Variants in CD72 observed in about 807,000 individuals in gnomAD.
The protein encoded by CD72 is CD72 molecule.
A neutral mutation model predicts 50.7 loss-of-function variants in CD72; 28 were observed. The ratio of observed to expected loss-of-function variants is 0.55; its 90% CI spans 0.41 to 0.76. The LOEUF is 0.76. CD72 is among the 30% of genes least tolerant of loss of function. The pLI is 0.00. For missense variants in CD72, 403 were observed against 420.6 expected (o/e 0.96, Z 0.37); for synonymous variants, 176 against 171.2 (o/e 1.03, Z -0.22).
At chr9:35,642,080 T>C (rs1823345625) in intron 1 of CD72, among the ~76,000 whole-genome samples, 2 of 152,252 alleles carry the variant, frequency 1.3e-5, no homozygotes, top group Non-Finnish European at 2.9e-5. Context: ...CCATTATCAC[T>C]AACCACTGCA....
intron 7 of CD72, among the ~76,000 whole-genome samples, chr9:35,611,225 T>A (rs1455039716): frequency 6.7e-6 from 1 of 150,326 alleles, no homozygotes; most frequent in Non-Finnish European, 1.5e-5. Context: ...CACTCCAGTC[T>A]GGGCGACAGA....
chr9:35,643,423 G>A (rs1309138126), intron 1 of CD72: 2 of 152,240 alleles, frequency 1.3e-5, no homozygotes, highest in Admixed American at 1.3e-4. Context: ...GTCTGCAGAG[G>A]TCTACTCACA....
At chr9:35,645,531 G>A (rs559412195) in intron 1 of CD72, among the ~76,000 whole-genome samples, 3 of 152,008 alleles carry the variant, frequency 2.0e-5, no homozygotes, top group Non-Finnish European at 4.4e-5. Flanking sequence ...GCAGTGAGCC[G>A]AGGTTGCACC....
intron 1 of CD72, among the ~76,000 whole-genome samples, chr9:35,639,031 T>G (rs1274704630): frequency 6.6e-6 from 1 of 151,986 alleles, no homozygotes; most frequent in Non-Finnish European, 1.5e-5. Flanking sequence ...ATTCTTTTTT[T>G]TTTTTTTTAG....
chr9:35,633,258 T>G (rs1305862548), intron 1 of CD72, among the ~76,000 whole-genome samples: 4 of 150,910 alleles, frequency 2.7e-5, no homozygotes, highest in African/African-American at 7.3e-5. Context: ...AGTATTTTTG[T>G]TTTTTGTTTT....
intron 1 of CD72, chr9:35,646,377 G>C (rs1823392719): frequency 6.6e-6 from 1 of 152,410 alleles, no homozygotes; most frequent in Admixed American, 6.5e-5. Context: ...ACGCCGGTGA[G>C]GGAAAGGAGT....
chr9:35,617,148 C>T (rs1823077866), intron 3 of CD72, 28 bp downstream of exon 3: 2 of 1,552,098 alleles, frequency 1.3e-6, no homozygotes, highest in African/African-American at 2.7e-5. Context: ...CACTTGGCCC[C>T]GCGGCTGCCC....
chr9:35,641,017 C>G (rs1823335204), intron 1 of CD72, among the ~76,000 whole-genome samples: 1 of 152,134 alleles, frequency 6.6e-6, no homozygotes, highest in Non-Finnish European at 1.5e-5. Flanking sequence ...ACCTTCCCAG[C>G]TACGCTTAGG....
chr9:35,614,726 TGCGGTGG>T (rs1251528863), intron 5 of CD72, among the ~76,000 whole-genome samples: 4 of 149,124 alleles, frequency 2.7e-5, no homozygotes, highest in Non-Finnish European at 5.9e-5. Context: ...GTGAGCCAGG[TGCGGTGG>T]CTCACGACTG....
chr9:35,627,899 G>A (rs947460721), intron 1 of CD72, among the ~76,000 whole-genome samples: 12 of 151,538 alleles, frequency 7.9e-5, no homozygotes, highest in Non-Finnish European at 1.2e-4. Flanking sequence ...ACAGTGGTTC[G>A]ACCATAGATC....
chr9:35,642,244 T>C (rs930815522), intron 1 of CD72, among the ~76,000 whole-genome samples: 2 of 152,248 alleles, frequency 1.3e-5, no homozygotes, highest in Non-Finnish European at 2.9e-5. Context: ...CTTTTCTTCA[T>C]TGTCTGGAAG....
rs567577147 is a variant in CD72, at chr9:35,639,311, G to C, written n.408+7092C>G. ...ACTTGCTTTTGACATCTCAAAAAAA[G>C]TCATGCTAGGGAAATGAGCTAAGAA... is the stretch of plus-strand genomic sequence containing the variant. On this transcript the variant is annotated intron_variant and non_coding_transcript_variant, in intron 1 of 3. Coordinates refer to the CD72 transcript ENST00000465754. Among the ~76,000 whole-genome samples, 4 of 152,272 alleles carry C rather than the reference G, an allele frequency of 2.6e-5. No individual in the cohort carries two copies. In the South Asian group the frequency reaches 8.3e-4, roughly 32 times the overall value.
At chr9:35,613,470 GT>G (rs1228624816) in intron 5 of CD72, among the ~76,000 whole-genome samples, 1 of 151,924 alleles carries the variant, frequency 6.6e-6, no homozygotes, top group African/African-American at 2.4e-5. Flanking sequence ...TCTCTTCTCT[GT>G]TCTTCTTTTC....
chr9:35,615,881 G>T, intron 5 of CD72, 62 bp downstream of exon 5: 1 of 1,337,704 alleles, frequency 7.5e-7, no homozygotes, highest in Non-Finnish European at 1.1e-6. Flanking sequence ...ATAGACTCCT[G>T]CCACTACTAT....
At position 35,616,658 on chromosome 9, in the gene CD72, G is replaced by A; in HGVS notation, c.294C>T (p.Leu98=). ...CRTTCLRYLL[L]GLLLTCLLLG... ...ACAGCAGGCAGGTGAGGAGCAGGCC[G>A]AGCAGGAGGTATCGCAGGCAGGTTG... is the stretch of plus-strand genomic sequence containing the variant. Residue 98 remains leucine (L), a synonymous_variant, in exon 4 of 9, where the codon CTC becomes CTT. Coordinates refer to ENST00000259633, the MANE Select transcript of CD72 (RefSeq NM_001782.3). 6.2e-7 allele frequency: 1 copy of A among 1,613,936 alleles called. No individual in the cohort carries two copies.
chr9:35,640,504 G>C (rs1359291814), intron 1 of CD72, among the ~76,000 whole-genome samples: 1 of 152,238 alleles, frequency 6.6e-6, no homozygotes, highest in Non-Finnish European at 1.5e-5. Context: ...CCAGTGACTA[G>C]TGTTCAGCTC....
chr9:35,632,466 G>C (rs556776072), intron 1 of CD72, among the ~76,000 whole-genome samples: 2 of 150,850 alleles, frequency 1.3e-5, no homozygotes, highest in Non-Finnish European at 3.0e-5. Flanking sequence ...CACTGTGCCC[G>C]GCCTTCTCCT....
At chr9:35,643,810 T>C (rs933338558) in intron 1 of CD72, among the ~76,000 whole-genome samples, 31 of 152,000 alleles carry the variant, frequency 2.0e-4, no homozygotes, top group Non-Finnish European at 4.4e-5. Context: ...AAACCTCATC[T>C]CTACTAAAAA....
chr9:35,621,722 C>T (rs895728411), upstream of CD72, among the ~76,000 whole-genome samples: 2 of 152,126 alleles, frequency 1.3e-5, no homozygotes, highest in Admixed American at 6.5e-5. Context: ...GAAAGAGATT[C>T]GGTGAGGGAA....
Sources: gnomAD v4.1 joint callset for allele counts (sites outside exome capture counted in the v4.1 genomes callset) on GRCh38, gnomAD v4.1.1 for gene constraint, MANE v1.5 for transcripts, NCBI Gene and HGNC (gene_info 2026-07-23, HGNC 2026-07-21) for gene names.